TTC17: variants seen among roughly 807,000 people sequenced by gnomAD.
The protein encoded by TTC17 is tetratricopeptide repeat protein 17.
A neutral mutation model predicts 143.8 loss-of-function variants in TTC17; 58 were observed. The ratio of observed to expected loss-of-function variants is 0.40; its 90% CI spans 0.33 to 0.50. The LOEUF (loss-of-function observed/expected upper bound fraction) is 0.50, where lower values mean the gene tolerates loss of function less well. Among genes scored for constraint, TTC17 ranks in the 20% least tolerant of loss-of-function variants. The pLI is 0.49. For synonymous variants in TTC17, 501 were observed against 497.8 expected (o/e 1.01, Z -0.09); for missense variants, 1,273 against 1,392.5 (o/e 0.91, Z 1.37).
chr11:43,405,668 A>G (rs765156666), intron 12 of TTC17, 39 bp downstream of exon 12: 11 of 1,611,216 alleles, frequency 6.8e-6, no homozygotes, highest in Non-Finnish European at 9.3e-6. Flanking sequence ...CTGATTCTGC[A>G]TGATTGTCAT....
intron 20 of TTC17, 39 bp from the exon 21 acceptor site, chr11:43,451,143 G>A (rs79406295): frequency 0.035 from 56,514 of 1,596,872 alleles, 1,169 homozygotes; most frequent in Non-Finnish European, 0.041. Context: ...ATCCTGCATC[G>A]TTTTCATTCT....
At chr11:43,431,286 C>G (rs771906817) in intron 16 of TTC17, among the ~76,000 whole-genome samples, 1 of 152,026 alleles carries the variant, frequency 6.6e-6, no homozygotes, top group Non-Finnish European at 1.5e-5. Context: ...GGTTATATAC[C>G]CAGTAATGGG....
chr11:43,368,485 A>G (rs888586442), intron 1 of TTC17, among the ~76,000 whole-genome samples: 1 of 152,012 alleles, frequency 6.6e-6, no homozygotes, highest in African/African-American at 2.4e-5. Context: ...CTCAAACCCA[A>G]CGTAGTAATA....
intron 16 of TTC17, chr11:43,435,087 A>ATAGATAGATAGT (rs1947258519): frequency 6.9e-6 from 1 of 145,672 alleles, no homozygotes. Context: ...TGATAGATAG[A>ATAGATAGATAGT]TAGATAGATA....
chr11:43,407,675 C>A (rs1858208747), intron 15 of TTC17, 98 bp downstream of exon 15: 3 of 1,179,448 alleles, frequency 2.5e-6, no homozygotes, highest in Non-Finnish European at 3.5e-6. Context: ...TAAAAAATGT[C>A]ATGTTTTGTC....
At chr11:43,369,977 T>C (rs2134449488) in intron 1 of TTC17, 3 of 423,634 alleles carry the variant, frequency 7.1e-6, no homozygotes, top group South Asian at 1.7e-5. Context: ...TTAACAAATA[T>C]ATTTCCAAAT....
rs1287685250 is a variant in TTC17, at chr11:43,452,914, C to A, written c.3030+1649C>A. ...CTCCAGCCTGGGCAACAGAGTGAGA[C>A]CCTGTCTCAAAAAGAAAAAAAAATT... On this transcript the variant is annotated intron_variant, in intron 21 of 23. Coordinates refer to ENST00000039989, the MANE Select transcript of TTC17 (RefSeq NM_018259.6). 5.3e-5 allele frequency among the ~76,000 whole-genome samples: 8 copies of A among 152,022 alleles called. No homozygotes were observed. In the East Asian group the frequency reaches 1.5e-3, roughly 29 times the overall value.
chr11:43,469,389 A>C (rs1948045304), intron 21 of TTC17, among the ~76,000 whole-genome samples: 1 of 152,214 alleles, frequency 6.6e-6, no homozygotes, highest in African/African-American at 2.4e-5. Flanking sequence ...ACATGAAAAC[A>C]TATGACCACA....
At chr11:43,429,157 A>G (rs1346805604) in intron 16 of TTC17, among the ~76,000 whole-genome samples, 1 of 152,208 alleles carries the variant, frequency 6.6e-6, no homozygotes, top group Admixed American at 6.5e-5. Flanking sequence ...CAGGTTCTGT[A>G]TGCTTATATT....
chr11:43,393,990 AC>A (rs1250427301), intron 5 of TTC17, among the ~76,000 whole-genome samples: 7 of 152,326 alleles, frequency 4.6e-5, no homozygotes, highest in Middle Eastern at 3.4e-3. Context: ...ATGCTTGAAG[AC>A]AGAGAGAGAT....
intron 2 of TTC17, among the ~76,000 whole-genome samples, 160 bp downstream of exon 2, chr11:43,379,482 T>TG (rs376971962): frequency 0.081 from 12,298 of 151,254 alleles, 1,658 homozygotes; most frequent in African/African-American, 0.28. Flanking sequence ...GTGTGTGTGT[T>TG]TTTTCTTTAT....
chr11:43,489,856 G>A (rs1462315368), intron 21 of TTC17: 1 of 153,456 alleles, frequency 6.5e-6, no homozygotes, highest in Admixed American at 6.5e-5. Context: ...GAGGATGGGA[G>A]AGAGACTTCA....
intron 5 of TTC17, 128 bp downstream of exon 5, chr11:43,392,080 T>C: frequency 8.9e-7 from 1 of 1,118,282 alleles, no homozygotes; most frequent in South Asian, 1.7e-5. Flanking sequence ...AAAATTACAC[T>C]TACATTGATG....
At chr11:43,480,311 GA>G in intron 21 of TTC17, among the ~76,000 whole-genome samples, 1 of 152,262 alleles carries the variant, frequency 6.6e-6, no homozygotes, top group Non-Finnish European at 1.5e-5. Context: ...GAGACAGAAA[GA>G]AAGGACAGAT....
At chr11:43,397,626 A>G in intron 7 of TTC17, 135 bp downstream of exon 7, 1 of 1,045,506 alleles carries the variant, frequency 9.6e-7, no homozygotes, top group Non-Finnish European at 1.4e-6. Flanking sequence ...AATTAGGAGG[A>G]AGAAAAATCC....
At chr11:43,391,597 T>A (rs766454979) in intron 4 of TTC17, 21 bp downstream of exon 4, 14 of 1,240,692 alleles carry the variant, frequency 1.1e-5, no homozygotes, top group Non-Finnish European at 1.5e-5. Flanking sequence ...AACTTTAGGA[T>A]TTTTTTTTTT....
At chr11:43,430,287 G>A (rs1486977639) in intron 16 of TTC17, among the ~76,000 whole-genome samples, 1 of 152,116 alleles carries the variant, frequency 6.6e-6, no homozygotes, top group African/African-American at 2.4e-5. Context: ...AATTAGCCAG[G>A]TGTGGTGGCG....
intron 10 of TTC17, among the ~76,000 whole-genome samples, chr11:43,403,518 A>G (rs1857966744): frequency 1.3e-5 from 2 of 152,116 alleles, no homozygotes; most frequent in African/African-American, 4.8e-5. Flanking sequence ...TTCACCCTCA[A>G]AACTTTTCTT....
intron 2 of TTC17, 108 bp downstream of exon 2, chr11:43,379,430 T>A: frequency 2.0e-6 from 2 of 984,670 alleles, no homozygotes; most frequent in Non-Finnish European, 3.0e-6. Flanking sequence ...CTGAGTCTTC[T>A]GACTTTTGCG....
Sources: gnomAD v4.1 joint callset for allele counts (sites outside exome capture counted in the v4.1 genomes callset) on GRCh38, gnomAD v4.1.1 for gene constraint, MANE v1.5 for transcripts, NCBI Gene and HGNC (gene_info 2026-07-23, HGNC 2026-07-21) for gene names.